The following CNTNAP4 variants were observed in gnomAD, a reference collection of about 807,000 sequenced individuals.
The protein encoded by CNTNAP4 is contactin associated protein family member 4, also known as contactin-associated protein-like 4.
A neutral mutation model predicts 148.4 loss-of-function variants in CNTNAP4; 98 were observed. The observed-to-expected ratio is 0.66, with a 90% confidence interval of 0.56 to 0.78. The LOEUF (loss-of-function observed/expected upper bound fraction) is 0.78, where lower values mean the gene tolerates loss of function less well. CNTNAP4 is among the 30% of genes least tolerant of loss of function. The probability of loss-of-function intolerance (pLI) is 0.00; values close to 1 mark genes in which losing one functional copy is unlikely to be tolerated. For missense variants in CNTNAP4, 1,935 were observed against 1,565.6 expected, an observed-to-expected ratio of 1.24 and a Z score of -3.98; for synonymous variants, 730 against 565.1, an observed-to-expected ratio of 1.29 and a Z score of -4.14.
rs781562424 is a variant in CNTNAP4, at chr16:76,494,903, C to T, written c.2081-7C>T. On this transcript the variant is annotated splice_region_variant and splice_polypyrimidine_tract_variant and intron_variant, in intron 13 of 23. Transcript: ENST00000611870. ...CAGATGTCACATTTTTCACGTTTTT[C>T]TTTCAGATGGAACCCCTCTGAGTTG... The T allele has an allele frequency of 1.9e-6, 3 of 1,609,404 alleles. No individual in the cohort carries two copies. Among genetic ancestry groups the T allele is most frequent in the Admixed American group, 1.7e-5 (1 of 59,138 alleles).
chr16:76,523,802 C>A (rs547694085), intron 17 of CNTNAP4, among the ~76,000 whole-genome samples: 108 of 152,156 alleles, frequency 7.1e-4, no homozygotes, highest in African/African-American at 2.4e-3. Flanking sequence ...CATGGTGGCA[C>A]TCGCCTGTAA....
At chr16:76,504,762 CAAT>C (rs2082778903) in intron 15 of CNTNAP4, among the ~76,000 whole-genome samples, 1 of 151,916 alleles carries the variant, frequency 6.6e-6, no homozygotes, top group African/African-American at 2.4e-5. Context: ...TCTCGTGGTG[CAAT>C]AATATTTGAA....
intron 10 of CNTNAP4, among the ~76,000 whole-genome samples, chr16:76,471,880 C>T (rs2081390280): frequency 6.6e-6 from 1 of 152,192 alleles, no homozygotes; most frequent in African/African-American, 2.4e-5. Context: ...TCCTAGCGCT[C>T]ATTGGCACTT....
At chr16:76,457,926 A>G (rs1352855925) in intron 8 of CNTNAP4, among the ~76,000 whole-genome samples, 1 of 152,066 alleles carries the variant, frequency 6.6e-6, no homozygotes, top group Non-Finnish European at 1.5e-5. Context: ...CCTGATAGGT[A>G]GTTTTTAAAT....
At chr16:76,371,837 A>G (rs888586247) in intron 3 of CNTNAP4, among the ~76,000 whole-genome samples, 2 of 152,164 alleles carry the variant, frequency 1.3e-5, no homozygotes, top group Admixed American at 1.3e-4. Flanking sequence ...CTCTTCAGTT[A>G]TCTAAGGCAT....
chr16:76,494,846 T>C, intron 13 of CNTNAP4, 64 bp from the exon 14 acceptor site: 1 of 1,457,612 alleles, frequency 6.9e-7, no homozygotes, highest in Non-Finnish European at 9.4e-7. Context: ...GAAAAGGAAT[T>C]ATATTGGGAG....
chr16:76,287,383 A>C (rs922454996), intron 1 of CNTNAP4, among the ~76,000 whole-genome samples: 1 of 152,118 alleles, frequency 6.6e-6, no homozygotes, highest in East Asian at 1.9e-4. Context: ...AGCCTGATTC[A>C]TTTTTTTAAC....
intron 12 of CNTNAP4, among the ~76,000 whole-genome samples, chr16:76,489,309 C>T (rs1424791445): frequency 1.3e-5 from 2 of 151,740 alleles, no homozygotes; most frequent in Non-Finnish European, 2.9e-5. Context: ...AGCATTTTTC[C>T]TTTCTTGCAG....
At chr16:76,471,210 G>A (rs530610694) in intron 10 of CNTNAP4, among the ~76,000 whole-genome samples, 31 of 152,230 alleles carry the variant, frequency 2.0e-4, no homozygotes, top group Non-Finnish European at 3.4e-4. Flanking sequence ...GAGGGGTGGC[G>A]AAGGGGTGAG....
chr16:76,533,677 TAA>T (rs35605025), intron 17 of CNTNAP4, among the ~76,000 whole-genome samples: 1 of 150,254 alleles, frequency 6.7e-6, no homozygotes, highest in African/African-American at 2.4e-5. Flanking sequence ...TTAAAAATCT[TAA>T]AAAAAAAATG....
intron 17 of CNTNAP4, among the ~76,000 whole-genome samples, chr16:76,523,496 G>A (rs2083577691): frequency 6.6e-6 from 1 of 152,076 alleles, no homozygotes. Context: ...CCTTCTGGAT[G>A]TGTTTGTTTT....
At chr16:76,454,077 T>C (rs950696748) in intron 8 of CNTNAP4, among the ~76,000 whole-genome samples, 1 of 151,986 alleles carries the variant, frequency 6.6e-6, no homozygotes, top group Non-Finnish European at 1.5e-5. Flanking sequence ...GCAACGTTAC[T>C]TTGGGGAGCT....
At chr16:76,370,126 T>G (rs759474741) in intron 3 of CNTNAP4, among the ~76,000 whole-genome samples, 15 of 152,178 alleles carry the variant, frequency 9.9e-5, no homozygotes, top group Admixed American at 9.2e-4. Context: ...TGTTATACGA[T>G]AATATCTGGT....
chr16:76,435,423 T>G (rs2079788625), intron 4 of CNTNAP4, among the ~76,000 whole-genome samples: 1 of 152,254 alleles, frequency 6.6e-6, no homozygotes, highest in East Asian at 1.9e-4. Flanking sequence ...TGCCTTGCCT[T>G]TGATGTTTGA....
intron 3 of CNTNAP4, among the ~76,000 whole-genome samples, chr16:76,397,232 G>C (rs1341578678): frequency 6.6e-6 from 1 of 151,948 alleles, no homozygotes; most frequent in Non-Finnish European, 1.5e-5. Context: ...GAGAATCCAT[G>C]GATTATGCTG....
chr16:76,326,422 T>G (rs972228034), intron 2 of CNTNAP4, among the ~76,000 whole-genome samples: 7 of 152,286 alleles, frequency 4.6e-5, no homozygotes, highest in Middle Eastern at 3.4e-3. Context: ...CAGCAGGGGA[T>G]GGACGGATCT....
intron 2 of CNTNAP4, among the ~76,000 whole-genome samples, chr16:76,323,679 C>A (rs1166950798): frequency 2.0e-5 from 3 of 152,124 alleles, no homozygotes; most frequent in Non-Finnish European, 4.4e-5. Context: ...CTCCTTGGCC[C>A]CTTCCTTAGA....
At chr16:76,548,392 T>C (rs909272972) in intron 21 of CNTNAP4, among the ~76,000 whole-genome samples, 4 of 144,088 alleles carry the variant, frequency 2.8e-5, no homozygotes, top group Non-Finnish European at 6.0e-5. Flanking sequence ...AGGTAGGACA[T>C]ATAAAGTACT....
chr16:76,385,011 G>T (rs1044813604), intron 3 of CNTNAP4, among the ~76,000 whole-genome samples: 5 of 152,142 alleles, frequency 3.3e-5, no homozygotes, highest in African/African-American at 1.2e-4. Context: ...ATAGCCTAAG[G>T]TATAAATATA....
Sources: allele counts gnomAD v4.1 joint callset (sites outside exome capture counted in the v4.1 genomes callset), GRCh38; gene constraint gnomAD v4.1.1; transcripts MANE v1.5; gene names NCBI Gene and HGNC (gene_info 2026-07-23, HGNC 2026-07-21).